The following CD247 variants were observed in gnomAD, a reference collection of about 807,000 sequenced individuals.
CD247 encodes T-cell surface glycoprotein CD3 zeta chain.
In CD247, 13 loss-of-function variants were observed where a neutral mutation model predicts 30.0. The ratio of observed to expected loss-of-function variants is 0.43; its 90% CI spans 0.28 to 0.69. The LOEUF (loss-of-function observed/expected upper bound fraction) is 0.69. Ranked by LOEUF, CD247 falls within the 30% of genes least tolerant of loss-of-function variation. The pLI, the probability that CD247 is intolerant of heterozygous loss-of-function variation, is 0.16. For missense variants in CD247, 193 were observed against 212.6 expected (o/e 0.91, Z 0.57); for synonymous variants, 72 against 80.0 (o/e 0.90, Z 0.53).
At chr1:167,487,990 C>A (rs374424068) in intron 1 of CD247, among the ~76,000 whole-genome samples, 2 of 152,310 alleles carry the variant, frequency 1.3e-5, no homozygotes, top group East Asian at 3.9e-4. Context: ...CTTCCCCACT[C>A]GGCCCCCAAA....
Position 167,499,536 on chromosome 1 carries a change from G to A in CD247, c.58+18872C>T, listed in dbSNP as rs1211373175. On this transcript the variant is annotated intron_variant, in intron 1 of 7. Coordinates refer to ENST00000362089, the MANE Select transcript of CD247 (RefSeq NM_198053.3). ...TTCCAGCTGCCCTTATTCAAGAGTG[G>A]CCCCTGGAATTTACTTAGCCTTTCT... Among the ~76,000 whole-genome samples, 3 of 152,286 alleles carry A rather than the reference G, an allele frequency of 2.0e-5. No homozygotes were observed. The South Asian group carries it at 6.2e-4, about 32-fold the overall frequency.
intron 1 of CD247, among the ~76,000 whole-genome samples, chr1:167,499,920 T>A (rs1209164318): frequency 2.0e-5 from 3 of 152,190 alleles, no homozygotes. Flanking sequence ...GTAATTTACA[T>A]AAAAGCACTG....
At chr1:167,444,082 G>A (rs959461334) in intron 1 of CD247, among the ~76,000 whole-genome samples, 8 of 152,220 alleles carry the variant, frequency 5.3e-5, no homozygotes, top group Admixed American at 2.0e-4. Context: ...TTTTGGACAA[G>A]TCACTTCCCT....
At chr1:167,481,229 G>A (rs1373039122) in intron 1 of CD247, among the ~76,000 whole-genome samples, 1 of 152,198 alleles carries the variant, frequency 6.6e-6, no homozygotes, top group Non-Finnish European at 1.5e-5. Flanking sequence ...AGAAGTTGCA[G>A]TGAGCTGAGA....
rs530291591 is a variant in CD247, at chr1:167,516,528, G to A, written c.58+1880C>T. Reference sequence around the variant, plus strand: ...AAGACCTGACTGAAATTCTATGTGCGGCCTTTCCTCCGGGGAGACTGTGGA... The same window carrying A: ...AAGACCTGACTGAAATTCTATGTGCAGCCTTTCCTCCGGGGAGACTGTGGA... On this transcript the variant is annotated intron_variant, in intron 1 of 7. Transcript: ENST00000362089. Among the ~76,000 whole-genome samples, 246 of 152,292 alleles carry A rather than the reference G, an allele frequency of 1.6e-3. 1 individual carries two copies. Among genetic ancestry groups the A allele is most frequent in the African/African-American group, 5.6e-3 (232 of 41,552 alleles).
intron 1 of CD247, among the ~76,000 whole-genome samples, chr1:167,466,317 T>C (rs1463134946): frequency 1.3e-5 from 2 of 152,220 alleles, no homozygotes; most frequent in Admixed American, 6.5e-5. Flanking sequence ...TTAACTCTGA[T>C]AGCCTTTAGA....
At chr1:167,439,315 C>T in intron 3 of CD247, 29 bp downstream of exon 3, 1 of 1,609,764 alleles carries the variant, frequency 6.2e-7, no homozygotes, top group Non-Finnish European at 8.5e-7. Flanking sequence ...CCCTTCCTTT[C>T]CGGAGGGTCT....
intron 2 of CD247, chr1:167,439,769 C>G: frequency 3.5e-6 from 1 of 288,022 alleles, no homozygotes; most frequent in East Asian, 8.7e-5. Flanking sequence ...TGAGGACAAT[C>G]CAGGGTGGAT....
intron 1 of CD247, among the ~76,000 whole-genome samples, chr1:167,480,776 A>G (rs1378521570): frequency 6.6e-6 from 1 of 152,254 alleles, no homozygotes; most frequent in African/African-American, 2.4e-5. Context: ...AAGCATTTTT[A>G]TAATTTTGCT....
chr1:167,468,969 A>C (rs189932272), intron 1 of CD247, among the ~76,000 whole-genome samples: 37 of 152,210 alleles, frequency 2.4e-4, no homozygotes, highest in African/African-American at 8.2e-4. Flanking sequence ...AAAAAAAAAA[A>C]AACAGGAGTT....
At chr1:167,449,155 T>TTTTTTTCTTTTTTC (rs1165292915) in intron 1 of CD247, among the ~76,000 whole-genome samples, 3 of 61,598 alleles carry the variant, frequency 4.9e-5, no homozygotes, top group African/African-American at 2.2e-4. Context: ...TTTTCTTTTT[T>TTTTTTTCTTTTTTC]TTTTTTTTTT....
At chr1:167,504,583 T>G (rs6686571) in intron 1 of CD247, among the ~76,000 whole-genome samples, 22,145 of 152,248 alleles carry the variant, frequency 0.15, 1,666 homozygotes, top group South Asian at 0.18. Flanking sequence ...ACACCATCAC[T>G]AGTAAAGGCT....
At chr1:167,457,824 AC>A (rs1292264296) in intron 1 of CD247, 1 of 152,198 alleles carries the variant, frequency 6.6e-6, no homozygotes, top group Non-Finnish European at 1.5e-5. Context: ...CAAGGTAAAC[AC>A]CGTGATTTCT....
chr1:167,506,337 C>A (rs977649139), intron 1 of CD247, among the ~76,000 whole-genome samples: 1 of 141,756 alleles, frequency 7.1e-6, no homozygotes, highest in African/African-American at 2.7e-5. Context: ...TTTTCTTTCT[C>A]CTCTCCCTCC....
At chr1:167,449,978 T>C (rs1162833834) in intron 1 of CD247, among the ~76,000 whole-genome samples, 2 of 151,964 alleles carry the variant, frequency 1.3e-5, no homozygotes, top group Non-Finnish European at 2.9e-5. Flanking sequence ...TATGTTATAA[T>C]CTAAGACTTC....
chr1:167,455,137 T>G (rs1652578050), intron 1 of CD247, among the ~76,000 whole-genome samples: 1 of 152,014 alleles, frequency 6.6e-6, no homozygotes, highest in Non-Finnish European at 1.5e-5. Flanking sequence ...TGCACCGAGT[T>G]TTTCGGAGGC....
intron 1 of CD247, among the ~76,000 whole-genome samples, chr1:167,484,965 G>T (rs1286370142): frequency 1.3e-5 from 2 of 152,344 alleles, no homozygotes; most frequent in East Asian, 3.9e-4. Flanking sequence ...AGAGGTGAAA[G>T]CCTCACATTG....
chr1:167,484,878 C>A (rs1292385118), intron 1 of CD247, among the ~76,000 whole-genome samples: 2 of 152,250 alleles, frequency 1.3e-5, no homozygotes, highest in Admixed American at 1.3e-4. Flanking sequence ...GCTGAGGAGA[C>A]TGAGGCTGAG....
rs548234778 is a variant in CD247 at position 167,475,802 on chromosome 1, T to C, written c.59-35035A>G. On this transcript the variant is annotated intron_variant, in intron 1 of 7. Coordinates refer to ENST00000362089, the MANE Select transcript of CD247 (RefSeq NM_198053.3). ...CCTAGCTTCGTACAGTTCAAAGAAA[T>C]AAAGAGAGGGGTCGGGCTGTGGGGG... 2.0e-5 allele frequency among the ~76,000 whole-genome samples: 3 copies of C among 152,044 alleles called. No individual in the cohort carries two copies. In the South Asian group the frequency reaches 6.2e-4, roughly 32 times the overall value.
Sources: allele counts gnomAD v4.1 joint callset (sites outside exome capture counted in the v4.1 genomes callset), GRCh38; gene constraint gnomAD v4.1.1; transcripts MANE v1.5; gene names NCBI Gene and HGNC (gene_info 2026-07-23, HGNC 2026-07-21).